The following WWOX variants were observed in gnomAD, a reference collection of about 807,000 sequenced individuals.
WWOX encodes the protein WW domain containing oxidoreductase, also known as WW domain-containing oxidoreductase.
In WWOX, 69 loss-of-function variants were observed where a neutral mutation model predicts 46.2. The ratio of observed to expected loss-of-function variants is 1.49; its 90% CI spans 1.23 to 1.82. The LOEUF is 1.82. WWOX is among the 40% of genes most tolerant of loss of function. The pLI is 0.00. For missense variants in WWOX, 919 were observed against 542.6 expected (o/e 1.69, Z -6.89); for synonymous variants, 359 against 202.6 (o/e 1.77, Z -6.56).
intron 8 of WWOX, among the ~76,000 whole-genome samples, chr16:78,548,587 A>G (rs934823761): frequency 3.3e-5 from 5 of 152,184 alleles, no homozygotes; most frequent in African/African-American, 1.2e-4. Context: ...CAATTTAAAC[A>G]TCATCTCTCA....
intron 5 of WWOX, among the ~76,000 whole-genome samples, chr16:78,224,454 G>C: frequency 6.6e-6 from 1 of 150,918 alleles, no homozygotes; most frequent in East Asian, 1.9e-4. Flanking sequence ...TCAAGAAACT[G>C]CCTTTTTTCA....
chr16:79,119,559 G>T (rs985228154), intron 8 of WWOX, among the ~76,000 whole-genome samples: 27 of 152,152 alleles, frequency 1.8e-4, no homozygotes, highest in Non-Finnish European at 3.7e-4. Flanking sequence ...TTCAAAGTGG[G>T]TTTTACATTG....
intron 5 of WWOX, among the ~76,000 whole-genome samples, chr16:78,273,751 G>C (rs536834629): frequency 6.6e-6 from 1 of 152,308 alleles, no homozygotes; most frequent in East Asian, 1.9e-4. Context: ...GGGATGACAG[G>C]CGTGGTGAAT....
chr16:78,638,519 T>C (rs1221894749), intron 8 of WWOX, among the ~76,000 whole-genome samples: 1 of 152,202 alleles, frequency 6.6e-6, no homozygotes, highest in Non-Finnish European at 1.5e-5. Flanking sequence ...GCACTCCTTT[T>C]GTCTGGCCTG....
Position 78,303,594 on chromosome 16 carries a change from G to C in WWOX, c.517-83266G>C, listed in dbSNP as rs551093072. On this transcript the variant is annotated intron_variant, in intron 5 of 8. Transcript: ENST00000566780. Reference sequence around the variant, plus strand: ...TGTTTCGCTCTCGTTGCCCAGTCTGGAGTGCAATGGCACAATCTCGGCTCA... The same window carrying C: ...TGTTTCGCTCTCGTTGCCCAGTCTGCAGTGCAATGGCACAATCTCGGCTCA... Among the ~76,000 whole-genome samples the C allele has an allele frequency of 3.3e-5, 5 of 152,154 alleles. No homozygotes were observed. In the South Asian group the frequency reaches 1.0e-3, roughly 32 times the overall value.
At chr16:78,830,495 A>G (rs955268889) in intron 8 of WWOX, among the ~76,000 whole-genome samples, 1 of 152,194 alleles carries the variant, frequency 6.6e-6, no homozygotes, top group African/African-American at 2.4e-5. Flanking sequence ...AGGCCTCAAA[A>G]TTAGAGTAAA....
chr16:78,458,937 G>C (rs1439021146), intron 8 of WWOX, among the ~76,000 whole-genome samples: 1 of 152,134 alleles, frequency 6.6e-6, no homozygotes, highest in African/African-American at 2.4e-5. Context: ...CATTCTCTGT[G>C]TCACCTCAGC....
intron 5 of WWOX, among the ~76,000 whole-genome samples, chr16:78,198,187 C>A (rs1000753041): frequency 6.6e-6 from 1 of 152,110 alleles, no homozygotes; most frequent in African/African-American, 2.4e-5. Flanking sequence ...CCAGGCTTGT[C>A]TGGTCATGCA....
intron 8 of WWOX, among the ~76,000 whole-genome samples, chr16:79,130,608 C>A (rs1359591210): frequency 6.6e-6 from 1 of 152,194 alleles, no homozygotes; most frequent in Admixed American, 6.5e-5. Flanking sequence ...AGGTTGCCCC[C>A]ATGGAGTTGA....
intron 8 of WWOX, among the ~76,000 whole-genome samples, chr16:78,631,565 G>A (rs866883801): frequency 6.8e-6 from 1 of 147,690 alleles, no homozygotes; most frequent in Non-Finnish European, 1.5e-5. Context: ...TTGAGACAGG[G>A]TCTGGCTCTG....
At chr16:78,982,693 A>C (rs867748769) in intron 8 of WWOX, among the ~76,000 whole-genome samples, 2 of 152,198 alleles carry the variant, frequency 1.3e-5, no homozygotes, top group African/African-American at 4.8e-5. Flanking sequence ...GGGCTCCTCA[A>C]ACATGTATGC....
At chr16:78,475,392 A>G (rs1346988668) in intron 8 of WWOX, among the ~76,000 whole-genome samples, 5 of 152,152 alleles carry the variant, frequency 3.3e-5, no homozygotes, top group African/African-American at 9.7e-5. Context: ...CTTTTGGTAG[A>G]TGGATAAACT....
intron 5 of WWOX, among the ~76,000 whole-genome samples, chr16:78,378,499 A>G (rs1672594369): frequency 6.6e-6 from 1 of 152,190 alleles, no homozygotes; most frequent in African/African-American, 2.4e-5. Context: ...TACTTAAATA[A>G]TATTAGAGGA....
intron 8 of WWOX, among the ~76,000 whole-genome samples, chr16:78,447,419 C>T (rs966472008): frequency 6.6e-6 from 1 of 152,178 alleles, no homozygotes; most frequent in African/African-American, 2.4e-5. Context: ...CTTTTACAGA[C>T]AAGGACACTG....
At chr16:78,527,330 G>T (rs749053395) in intron 8 of WWOX, among the ~76,000 whole-genome samples, 4 of 133,360 alleles carry the variant, frequency 3.0e-5, no homozygotes, top group Non-Finnish European at 6.2e-5. Flanking sequence ...GTCTCACTCT[G>T]TTGCCTAGAC....
intron 8 of WWOX, among the ~76,000 whole-genome samples, chr16:78,484,914 G>T (rs1274716798): frequency 6.6e-6 from 1 of 152,062 alleles, no homozygotes; most frequent in Non-Finnish European, 1.5e-5. Flanking sequence ...CTTTCCACTG[G>T]TTTTCCGGGC....
Position 78,339,640 on chromosome 16 carries a change from G to T in WWOX, c.517-47220G>T, listed in dbSNP as rs550751311. Reference sequence around the variant, plus strand: ...AATATGTGTGTGTGTCTGTGTGTGTGTATTTCAGGTTTCAAAATGTTTCTG... The same window carrying T: ...AATATGTGTGTGTGTCTGTGTGTGTTTATTTCAGGTTTCAAAATGTTTCTG... On this transcript the variant is annotated intron_variant, in intron 5 of 8. Transcript: ENST00000566780. Among the ~76,000 whole-genome samples the T allele has an allele frequency of 1.7e-5, 2 of 119,990 alleles. 1 individual carries two copies. The highest frequency in any genetic ancestry group is 4.0e-5 in the Non-Finnish European group (2 of 50,380). 78.7% of individuals were successfully genotyped at this position (119,990 alleles called of 152,430 possible). A position where few individuals can be genotyped will look rare whatever the true frequency, so the allele number is the denominator to read the frequency against.
chr16:78,124,040 T>G (rs962557106), intron 4 of WWOX: 1 of 152,144 alleles, frequency 6.6e-6, no homozygotes, highest in Non-Finnish European at 1.5e-5. Flanking sequence ...AGCCCATTAA[T>G]CGCATATTTC....
intron 8 of WWOX, among the ~76,000 whole-genome samples, chr16:79,143,799 C>T (rs2050134611): frequency 6.6e-6 from 1 of 152,132 alleles, no homozygotes; most frequent in Admixed American, 6.6e-5. Context: ...CAAGAACACA[C>T]AGCTGGTAGG....
Sources: gnomAD v4.1 joint callset for allele counts (sites outside exome capture counted in the v4.1 genomes callset) on GRCh38, gnomAD v4.1.1 for gene constraint, MANE v1.5 for transcripts, NCBI Gene and HGNC (gene_info 2026-07-23, HGNC 2026-07-21) for gene names.